Variants in KIT observed in about 807,000 individuals in gnomAD.
KIT encodes the protein KIT proto-oncogene, receptor tyrosine kinase.
In KIT, 16 loss-of-function variants were observed where a neutral mutation model predicts 105.7. The observed-to-expected ratio is 0.15, with a 90% CI of 0.10 to 0.23. The LOEUF (loss-of-function observed/expected upper bound fraction) is 0.23, where lower values mean the gene tolerates loss of function less well. Among genes scored for constraint, KIT ranks in the 10% least tolerant of loss-of-function variants. KIT has a pLI of 1.00. For missense variants in KIT, 858 were observed against 1,213.8 expected, an observed-to-expected ratio of 0.71 and a Z score of 4.36; for synonymous variants, 438 against 441.1, an observed-to-expected ratio of 0.99 and a Z score of 0.09.
chr4:54,699,526 A>T, intron 3 of KIT, 104 bp from the exon 4 acceptor site: 1 of 1,307,330 alleles, frequency 7.6e-7, no homozygotes, highest in Non-Finnish European at 1.1e-6. Context: ...TATTTTATTT[A>T]AAAGATGACA....
At chr4:54,680,385 C>CTTTTTT (rs756268006) in intron 1 of KIT, among the ~76,000 whole-genome samples, 3 of 102,688 alleles carry the variant, frequency 2.9e-5, no homozygotes, top group African/African-American at 1.1e-4. Flanking sequence ...TTCATTCGTC[C>CTTTTTT]TTTTTTTTTT....
chr4:54,731,924 G>GC lies in KIT; in HGVS notation c.2290dup (p.Leu764ProfsTer47). 2 of 1,613,692 alleles carry GC rather than the reference G, an allele frequency of 1.2e-6. No homozygotes were observed. The highest frequency in any genetic ancestry group is 1.7e-6 in the Non-Finnish European group (2 of 1,179,714). ...CGCCATCATGGAGGATGACGAGTTG[G>GC]CCCTAGACTTAGAAGACTTGCTGAG... is the stretch of plus-strand genomic sequence containing the variant. On this transcript the variant is annotated frameshift_variant, in exon 16 of 21. Transcript: ENST00000288135. LOFTEE classifies it high-confidence loss of function.
At chr4:54,659,442 G>A (rs1391592426) in intron 1 of KIT, among the ~76,000 whole-genome samples, 1 of 152,188 alleles carries the variant, frequency 6.6e-6, no homozygotes, top group Non-Finnish European at 1.5e-5. Flanking sequence ...GATAGAAAGT[G>A]AGTCTTAGCT....
chr4:54,689,353 G>T (rs1403001884), intron 1 of KIT, among the ~76,000 whole-genome samples: 3 of 152,204 alleles, frequency 2.0e-5, no homozygotes, highest in Non-Finnish European at 4.4e-5. Flanking sequence ...CTCATGGTGT[G>T]AGCAGAAGAG....
intron 7 of KIT, among the ~76,000 whole-genome samples, chr4:54,716,353 A>C (rs899410763): frequency 1.3e-5 from 2 of 152,212 alleles, no homozygotes; most frequent in African/African-American, 4.8e-5. Flanking sequence ...TTAAATTAAA[A>C]CAATTTTTTC....
intron 4 of KIT, among the ~76,000 whole-genome samples, 179 bp downstream of exon 4, chr4:54,699,945 C>T (rs1720350253): frequency 6.6e-6 from 1 of 152,068 alleles, no homozygotes; most frequent in Non-Finnish European, 1.5e-5. Flanking sequence ...GAGATATATA[C>T]ATTTATTATT....
intron 1 of KIT, among the ~76,000 whole-genome samples, chr4:54,673,513 A>C (rs1718261229): frequency 6.6e-6 from 1 of 152,064 alleles, no homozygotes; most frequent in African/African-American, 2.4e-5. Context: ...CATTTTCTTC[A>C]ATCAACTCAT....
chr4:54,690,533 T>G (rs1024278473), intron 1 of KIT, among the ~76,000 whole-genome samples: 6 of 152,206 alleles, frequency 3.9e-5, no homozygotes, highest in Admixed American at 1.3e-4. Flanking sequence ...GAGTGTTGGG[T>G]TTTGCCACCT....
At chr4:54,661,682 A>G (rs1230023949) in intron 1 of KIT, among the ~76,000 whole-genome samples, 1 of 152,264 alleles carries the variant, frequency 6.6e-6, no homozygotes, top group African/African-American at 2.4e-5. Flanking sequence ...CCAAATATGC[A>G]AATTTCATGT....
intron 7 of KIT, 148 bp from the exon 8 acceptor site, chr4:54,723,436 C>T (rs541756002): frequency 1.0e-5 from 7 of 689,900 alleles, no homozygotes; most frequent in South Asian, 4.5e-5. Context: ...GTACCTTCCA[C>T]TCCTTGGTTC....
At chr4:54,667,747 TG>T (rs1385329128) in intron 1 of KIT, among the ~76,000 whole-genome samples, 1 of 152,246 alleles carries the variant, frequency 6.6e-6, no homozygotes, top group Non-Finnish European at 1.5e-5. Flanking sequence ...ATGAGATTTT[TG>T]TAAATGTAAT....
intron 1 of KIT, among the ~76,000 whole-genome samples, chr4:54,678,151 C>T (rs377346360): frequency 6.6e-6 from 1 of 152,076 alleles, no homozygotes; most frequent in Non-Finnish European, 1.5e-5. Flanking sequence ...GTCAGAATAC[C>T]GTAGCTACCA....
chr4:54,667,544 A>G (rs1717791228), intron 1 of KIT, among the ~76,000 whole-genome samples: 1 of 152,242 alleles, frequency 6.6e-6, no homozygotes, highest in Non-Finnish European at 1.5e-5. Context: ...GGCCTGAATT[A>G]AATCTTAAAA....
chr4:54,728,600 G>A (rs1722388049), intron 13 of KIT, among the ~76,000 whole-genome samples: 1 of 152,184 alleles, frequency 6.6e-6, no homozygotes. Context: ...CATCAAGGAT[G>A]TCTGTGATGT....
At chr4:54,672,583 T>A (rs1467209536) in intron 1 of KIT, among the ~76,000 whole-genome samples, 1 of 152,202 alleles carries the variant, frequency 6.6e-6, no homozygotes, top group African/African-American at 2.4e-5. Flanking sequence ...GAAGTAATAT[T>A]CTTTTACTTC....
intron 14 of KIT, among the ~76,000 whole-genome samples, chr4:54,730,931 G>A (rs946974299): frequency 3.9e-5 from 6 of 152,010 alleles, no homozygotes; most frequent in Non-Finnish European, 8.8e-5. Flanking sequence ...TCTGCCTCCT[G>A]CATAACACGT....
chr4:54,718,550 A>G (rs969206009), intron 7 of KIT, among the ~76,000 whole-genome samples: 10 of 152,230 alleles, frequency 6.6e-5, no homozygotes, highest in African/African-American at 2.4e-4. Context: ...TATAATGTCT[A>G]TGGGCACATT....
chr4:54,729,159 C>T, intron 13 of KIT, 176 bp from the exon 14 acceptor site: 3 of 651,936 alleles, frequency 4.6e-6, no homozygotes, highest in East Asian at 5.4e-5. Flanking sequence ...TGTTACTCCA[C>T]ATAAGGCTGC....
intron 1 of KIT, among the ~76,000 whole-genome samples, chr4:54,682,442 T>C (rs535358722): frequency 3.9e-5 from 6 of 152,122 alleles, no homozygotes; most frequent in African/African-American, 1.4e-4. Context: ...TTTTCTTTTT[T>C]TTTTGAGGTG....
Sources: gnomAD v4.1 joint callset for allele counts (sites outside exome capture counted in the v4.1 genomes callset) on GRCh38, gnomAD v4.1.1 for gene constraint, MANE v1.5 for transcripts, NCBI Gene and HGNC (gene_info 2026-07-23, HGNC 2026-07-21) for gene names.